The following DENND4A variants were observed in gnomAD, a reference collection of about 807,000 sequenced individuals.
The protein encoded by DENND4A is DENN domain containing 4A.
DENND4A carries 70 observed loss-of-function variants against 199.3 expected under a neutral mutation model. That is an observed-to-expected ratio of 0.35 (90% confidence interval 0.29 to 0.43). The LOEUF is 0.43. Ranked by LOEUF, DENND4A falls within the 20% of genes least tolerant of loss-of-function variation. The pLI is 1.00. For missense variants in DENND4A, 1,723 were observed against 2,255.8 expected (o/e 0.76, Z 4.78); for synonymous variants, 686 against 766.9 (o/e 0.89, Z 1.74).
At chr15:65,738,009 G>C in intron 6 of DENND4A, 64 bp from the exon 7 acceptor site, 1 of 1,455,998 alleles carries the variant, frequency 6.9e-7, no homozygotes, top group Admixed American at 2.4e-5. Context: ...CACATCATCA[G>C]TTAAATATTT....
chr15:65,718,075 T>A, intron 12 of DENND4A, 79 bp from the exon 13 acceptor site: 1 of 1,107,212 alleles, frequency 9.0e-7, no homozygotes, highest in Non-Finnish European at 1.3e-6. Context: ...TTTGTTGTAT[T>A]TTCAAAAGGA....
At chr15:65,766,983 G>A (rs563685476) in intron 1 of DENND4A, among the ~76,000 whole-genome samples, 1 of 152,332 alleles carries the variant, frequency 6.6e-6, no homozygotes, top group East Asian at 1.9e-4. Flanking sequence ...GACAGAATAA[G>A]AACACACTGG....
At chr15:65,673,609 T>C (rs2076282624) in intron 24 of DENND4A, among the ~76,000 whole-genome samples, 1 of 146,000 alleles carries the variant, frequency 6.8e-6, no homozygotes, top group Non-Finnish European at 1.5e-5. Context: ...CTTGATTGCT[T>C]AGCAAATAAA....
In DENND4A at chr15:65,729,074, A is replaced by C; in HGVS notation, c.1485T>G (p.Ser495=). The C allele has an allele frequency of 6.3e-7, 1 of 1,579,676 alleles. No homozygotes were observed. Among genetic ancestry groups the C allele is most frequent in the African/African-American group, 1.3e-5 (1 of 74,510 alleles). ...TAGAATCACTAAAATGTACTTACTG[A>C]GAAATAGTGTTGGTATCTACATCAA... ...SCVDVDTNTI[S]QIGDKKNVAW... is the part of the protein sequence containing the mutation. The change falls in exon 11 of 33, where the codon TCT becomes TCG. Residue 495 remains serine, a splice_region_variant and synonymous_variant. Transcript: ENST00000443035.
chr15:65,745,767 T>C (rs748109463), intron 4 of DENND4A, among the ~76,000 whole-genome samples: 34 of 152,082 alleles, frequency 2.2e-4, no homozygotes, highest in Non-Finnish European at 4.6e-4. Context: ...GAATATTCTA[T>C]AATGAAAAAC....
intron 27 of DENND4A, among the ~76,000 whole-genome samples, chr15:65,668,457 C>T (rs186732414): frequency 2.3e-3 from 353 of 152,220 alleles, no homozygotes; most frequent in Middle Eastern, 6.8e-3. Context: ...CATCTGCCCA[C>T]CTCGGCCTCC....
chr15:65,734,885 C>T (rs2076067855), intron 7 of DENND4A, among the ~76,000 whole-genome samples: 2 of 152,040 alleles, frequency 1.3e-5, no homozygotes, highest in Non-Finnish European at 2.9e-5. Context: ...AGTTCAAGAC[C>T]AGCCTAGGCA....
rs2140625910 is a variant in DENND4A, at chr15:65,752,594, C to A, written c.346G>T (p.Gly116Cys). 1 of 1,577,464 alleles carries A rather than the reference C, an allele frequency of 6.3e-7. No individual in the cohort carries two copies. Among genetic ancestry groups the A allele is most frequent in the Non-Finnish European group, 8.6e-7 (1 of 1,158,162 alleles). Reference protein sequence around the residue: ...LYDWKERLKQGCEIIQSTPYG... With the variant: ...LYDWKERLKQCCEIIQSTPYG... ...GGAGTACTCTGAATAATTTCACAAC[C>A]CTGTTTCAATCTTTCTTTCCAGTCA... Residue 116 changes from glycine to cysteine, a missense_variant, in exon 4 of 33, where the codon GGT becomes TGT. By Grantham distance (159) the Gly-to-Cys change is radical. This residue lies in a region of DENND4A where 725 missense variants were observed against 952.9 expected (regional missense o/e 0.76). Transcript: ENST00000443035.
At chr15:65,718,019 T>C in intron 12 of DENND4A, 23 bp from the exon 13 acceptor site, 5 of 1,525,066 alleles carry the variant, frequency 3.3e-6, no homozygotes, top group Non-Finnish European at 4.4e-6. Context: ...ACAGTGTTAG[T>C]GTTTTCTCCA....
chr15:65,669,004 A>C (rs926964741), intron 27 of DENND4A, among the ~76,000 whole-genome samples: 1 of 152,206 alleles, frequency 6.6e-6, no homozygotes, highest in African/African-American at 2.4e-5. Context: ...GTAGACTTCT[A>C]TATAGCAGAA....
At chr15:65,790,576 T>C (rs1186378575) in intron 1 of DENND4A, among the ~76,000 whole-genome samples, 1 of 152,210 alleles carries the variant, frequency 6.6e-6, no homozygotes, top group Admixed American at 6.5e-5. Context: ...ATAATGATGA[T>C]GATAACATAT....
intron 14 of DENND4A, among the ~76,000 whole-genome samples, chr15:65,712,326 A>C (rs1054238163): frequency 1.3e-5 from 2 of 152,198 alleles, no homozygotes; most frequent in African/African-American, 4.8e-5. Flanking sequence ...TGATAAACCA[A>C]ATGAACCATT....
rs190102620 is a variant in DENND4A, at chr15:65,663,401, G to A, written c.5587+929C>T. 7.2e-5 allele frequency among the ~76,000 whole-genome samples: 11 copies of A among 151,814 alleles called. No individual in the cohort carries two copies. In the East Asian group the frequency reaches 1.7e-3, roughly 24 times the overall value. The stretch of plus-strand genomic sequence containing the variant: ...ATTTTGTATTTTTAGTAGAGATGGG[G>A]TTTCACCATATTGGCCAGGCTTGCC... On this transcript the variant is annotated intron_variant, in intron 32 of 32. Coordinates refer to ENST00000443035, the MANE Select transcript of DENND4A (RefSeq NM_001320835.1).
At chr15:65,757,169 T>G (rs532270511) in intron 2 of DENND4A, among the ~76,000 whole-genome samples, 1 of 151,670 alleles carries the variant, frequency 6.6e-6, no homozygotes, top group East Asian at 1.9e-4. Flanking sequence ...AAAGTCAGAA[T>G]GCAGTCTGTA....
intron 5 of DENND4A, among the ~76,000 whole-genome samples, chr15:65,740,945 G>T (rs1310062630): frequency 1.3e-5 from 2 of 151,864 alleles, no homozygotes; most frequent in Non-Finnish European, 2.9e-5. Flanking sequence ...CTGAGCAACC[G>T]AATGAGACCC....
chr15:65,709,719 A>AAAAAAAAATATATATATATAT (rs1218030026), intron 14 of DENND4A, among the ~76,000 whole-genome samples: 1 of 51,474 alleles, frequency 1.9e-5, no homozygotes, highest in Non-Finnish European at 3.1e-5. Context: ...AAAAAAAAAA[A>AAAAAAAAATATATATATATAT]ATATATATAT....
At chr15:65,757,689 C>T (rs1037931363) in intron 2 of DENND4A, among the ~76,000 whole-genome samples, 14 of 151,864 alleles carry the variant, frequency 9.2e-5, no homozygotes, top group Non-Finnish European at 1.5e-4. Context: ...ATAATAAAAG[C>T]GCTCTCAGGT....
intron 20 of DENND4A, among the ~76,000 whole-genome samples, chr15:65,700,116 T>C (rs2074811464): frequency 6.6e-6 from 1 of 152,106 alleles, no homozygotes; most frequent in Non-Finnish European, 1.5e-5. Context: ...TGATAATACC[T>C]TACATAACCA....
At chr15:65,780,627 G>A (rs74021827) in intron 1 of DENND4A, among the ~76,000 whole-genome samples, 130 of 152,304 alleles carry the variant, frequency 8.5e-4, no homozygotes, top group African/African-American at 3.1e-3. Context: ...TTCATAGCCT[G>A]GTGGAGAAGA....
Sources: allele counts gnomAD v4.1 joint callset (sites outside exome capture counted in the v4.1 genomes callset), GRCh38; gene constraint gnomAD v4.1.1; regional missense constraint gnomAD v4.1.1; transcripts MANE v1.5; gene names NCBI Gene and HGNC (gene_info 2026-07-23, HGNC 2026-07-21).